MAP4K3: variants seen among roughly 807,000 people sequenced by gnomAD.
MAP4K3 encodes the protein mitogen-activated protein kinase kinase kinase kinase 3.
Under a neutral mutation model 143.5 loss-of-function variants are expected in MAP4K3, and 94 were observed. The observed-to-expected ratio is 0.65, with a 90% CI of 0.55 to 0.78. MAP4K3 has a LOEUF of 0.78. Ranked by LOEUF, MAP4K3 falls within the 30% of genes least tolerant of loss-of-function variation. MAP4K3 has a pLI of 0.00. For missense variants in MAP4K3, 1,077 were observed against 1,068.1 expected, an observed-to-expected ratio of 1.01 and a Z score of -0.12; for synonymous variants, 416 against 347.2, an observed-to-expected ratio of 1.20 and a Z score of -2.20.
chr2:39,419,662 G>C (rs1667492223), intron 1 of MAP4K3, among the ~76,000 whole-genome samples: 1 of 152,156 alleles, frequency 6.6e-6, no homozygotes, highest in Non-Finnish European at 1.5e-5. Flanking sequence ...TCTATGATTA[G>C]CAGATCCTAG....
In MAP4K3 at chr2:39,361,537, A is replaced by G. The variant is rs944512417; in HGVS notation, c.155-5198T>C. Reference sequence around the variant, plus strand: ...TGCTCTTGGACAACAAACACTTGAAAAAAAGGCAGAAACAATTTTTTAAAA... The same window carrying G: ...TGCTCTTGGACAACAAACACTTGAAGAAAAGGCAGAAACAATTTTTTAAAA... On this transcript the variant is annotated intron_variant, in intron 2 of 33. Transcript: ENST00000263881. Among the ~76,000 whole-genome samples the G allele has an allele frequency of 6.2e-4, 94 of 152,080 alleles. 1 individual carries two copies. Among genetic ancestry groups the G allele is most frequent in the Non-Finnish European group, 7.2e-4 (49 of 67,940 alleles).
chr2:39,345,400 G>A (rs376224367), intron 3 of MAP4K3, among the ~76,000 whole-genome samples: 1 of 152,062 alleles, frequency 6.6e-6, no homozygotes, highest in Non-Finnish European at 1.5e-5. Context: ...CTGGGTGACA[G>A]ACCGAGATCT....
At chr2:39,257,671 C>T (rs1680399113) in intron 31 of MAP4K3, among the ~76,000 whole-genome samples, 1 of 151,100 alleles carries the variant, frequency 6.6e-6, no homozygotes, top group African/African-American at 2.4e-5. Context: ...TGGTGGCGGG[C>T]GCCTGTAATC....
chr2:39,270,465 T>TA (rs1680967922), intron 26 of MAP4K3, among the ~76,000 whole-genome samples: 2 of 152,216 alleles, frequency 1.3e-5, no homozygotes, highest in Non-Finnish European at 2.9e-5. Flanking sequence ...TCATGCCCAA[T>TA]AATGATGACA....
intron 13 of MAP4K3, among the ~76,000 whole-genome samples, chr2:39,314,132 C>G (rs1007744984): frequency 6.6e-6 from 1 of 152,016 alleles, no homozygotes; most frequent in Non-Finnish European, 1.5e-5. Context: ...CAGGCTCAAG[C>G]AATTCTCATA....
chr2:39,305,851 G>T (rs1332190129), intron 15 of MAP4K3, among the ~76,000 whole-genome samples: 1 of 148,902 alleles, frequency 6.7e-6, no homozygotes, highest in African/African-American at 2.5e-5. Context: ...TTTTTTTAAA[G>T]ATGGAGTCTC....
At chr2:39,395,400 TTAA>T (rs1378745567) in intron 1 of MAP4K3, among the ~76,000 whole-genome samples, 1 of 152,124 alleles carries the variant, frequency 6.6e-6, no homozygotes, top group African/African-American at 2.4e-5. Flanking sequence ...ACAGCAAGTA[TTAA>T]TAAGCTTTTC....
intron 33 of MAP4K3, 107 bp downstream of exon 33, chr2:39,251,723 T>G: frequency 1.1e-6 from 1 of 907,192 alleles, no homozygotes; most frequent in Non-Finnish European, 1.7e-6. Context: ...AAATTCAATG[T>G]TGAACATATT....
In MAP4K3 at chr2:39,282,503, T is replaced by G. The variant is rs752254772; in HGVS notation, c.1629+10A>C. ...CTTGAAACTTAGCCTACTCCATATT[T>G]AGTACTTACATGCACTTTAGGTGTT... On this transcript the variant is annotated intron_variant, in intron 22 of 33. Transcript: ENST00000263881. 6.2e-6 allele frequency: 10 copies of G among 1,607,424 alleles called. No individual in the cohort carries two copies. Among genetic ancestry groups the G allele is most frequent in the Non-Finnish European group, 8.5e-6 (10 of 1,175,272 alleles).
Position 39,250,558 on chromosome 2 carries a change from T to A in MAP4K3, c.*60A>T. On this transcript the variant is annotated 3_prime_UTR_variant, in exon 34 of 34. Transcript: ENST00000263881. ...GCTTTTGTACAGCTTCAAGCATCCA[T>A]TAATGTTGCAGTGGTAGTGTTCTTT... 1 of 1,443,136 alleles carries A rather than the reference T, an allele frequency of 6.9e-7. No homozygotes were observed. The allele number at this position is 1,443,136 out of a possible 1,614,324, so 89.4% of individuals were successfully genotyped here. A position where few individuals can be genotyped will look rare whatever the true frequency, so the allele number is the denominator to read the frequency against.
chr2:39,251,057 C>T (rs749434162), intron 33 of MAP4K3, among the ~76,000 whole-genome samples: 3 of 152,190 alleles, frequency 2.0e-5, no homozygotes, highest in South Asian at 2.1e-4. Flanking sequence ...CAGAGACCCA[C>T]GCTGCACAAT....
intron 1 of MAP4K3, among the ~76,000 whole-genome samples, chr2:39,410,669 T>C (rs1162350351): frequency 1.3e-5 from 2 of 152,192 alleles, no homozygotes; most frequent in Admixed American, 6.5e-5. Context: ...AAAAGGTCTT[T>C]GCATGGTGGA....
chr2:39,282,988 C>A (rs1448112530), intron 21 of MAP4K3, among the ~76,000 whole-genome samples: 3 of 152,174 alleles, frequency 2.0e-5, no homozygotes, highest in Non-Finnish European at 4.4e-5. Flanking sequence ...TTAACTGCAG[C>A]ATGGCATAAA....
intron 24 of MAP4K3, 24 bp from the exon 25 acceptor site, chr2:39,272,566 T>G: frequency 6.3e-7 from 1 of 1,592,930 alleles, no homozygotes. Flanking sequence ...GGCACAAAGT[T>G]TACAAAGAAT....
chr2:39,433,299 T>C (rs1665351305), intron 1 of MAP4K3, among the ~76,000 whole-genome samples: 1 of 152,202 alleles, frequency 6.6e-6, no homozygotes, highest in East Asian at 1.9e-4. Flanking sequence ...CTAGGTAAGA[T>C]ACTTCCTCAG....
intron 12 of MAP4K3, chr2:39,323,188 TA>T (rs1302496765): frequency 6.6e-6 from 1 of 152,198 alleles, no homozygotes; most frequent in Non-Finnish European, 1.5e-5. Context: ...CTGGAATAAT[TA>T]AATTCCTTTA....
In MAP4K3 at chr2:39,288,058, G is replaced by GT. The variant is rs1037792211; in HGVS notation, c.1474+62dup. 118 of 1,570,118 alleles carry GT rather than the reference G, an allele frequency of 7.5e-5. 1 individual carries two copies. In the African/African-American group the frequency reaches 8.9e-4, roughly 12 times the overall value. On this transcript the variant is annotated intron_variant, in intron 20 of 33. Transcript: ENST00000263881. ...ATTTCAAATAATCTCTTAAAAGAAA[G>GT]TTTTTTTTCTCCCCATAGTATGAAA...
intron 27 of MAP4K3, 124 bp downstream of exon 27, chr2:39,267,065 A>C (rs560592218): frequency 4.7e-6 from 4 of 847,088 alleles, no homozygotes; most frequent in African/African-American, 1.7e-5. Flanking sequence ...ACAGCCAAGA[A>C]ATTTGTTCTA....
chr2:39,337,619 A>T (rs768190349), intron 4 of MAP4K3, 38 bp from the exon 5 acceptor site: 1 of 1,391,188 alleles, frequency 7.2e-7, no homozygotes, highest in Non-Finnish European at 1.0e-6. Flanking sequence ...AAAATTAGTC[A>T]ACGCATGTTT....
Sources: gnomAD v4.1 joint callset for allele counts (sites outside exome capture counted in the v4.1 genomes callset) on GRCh38, gnomAD v4.1.1 for gene constraint, MANE v1.5 for transcripts, NCBI Gene and HGNC (gene_info 2026-07-23, HGNC 2026-07-21) for gene names.